PPIL4: variants seen among roughly 807,000 people sequenced by gnomAD.
The protein encoded by PPIL4 is peptidyl-prolyl cis-trans isomerase-like 4.
In PPIL4, 50 loss-of-function variants were observed where a neutral mutation model predicts 69.1. That is an observed-to-expected ratio of 0.72 (90% confidence interval 0.58 to 0.92). The LOEUF (loss-of-function observed/expected upper bound fraction) is 0.92. Among genes scored for constraint, PPIL4 ranks in the 40% least tolerant of loss-of-function variants. The pLI, the probability that PPIL4 is intolerant of heterozygous loss-of-function variation, is 0.00. For missense variants in PPIL4, 480 were observed against 587.9 expected (o/e 0.82, Z 1.90); for synonymous variants, 193 against 191.6 (o/e 1.01, Z -0.06).
chr6:149,505,653 A>C lies in PPIL4; in HGVS notation c.1279T>G (p.Trp427Gly). ...FGHYEEEESCWEKQKSEKRDR... is the reference protein window; with the variant it reads ...FGHYEEEESCGEKQKSEKRDR... ...CTCTTTTCACTCTTTTGTTTCTCCCAACAGCTTTCTTCTTCTTCATAGTGA... is the reference window on the plus strand; with the variant it reads ...CTCTTTTCACTCTTTTGTTTCTCCCCACAGCTTTCTTCTTCTTCATAGTGA... The change falls in exon 13 of 13, where the codon TGG becomes GGG. Residue 427 changes from tryptophan to glycine, a missense_variant. Transcript: ENST00000253329. 1 of 1,614,028 alleles carries C rather than the reference A, an allele frequency of 6.2e-7. No homozygotes were observed. Among genetic ancestry groups the C allele is most frequent in the Non-Finnish European group, 8.5e-7 (1 of 1,179,962 alleles).
chr6:149,511,446 G>T (rs1278798046), intron 12 of PPIL4, among the ~76,000 whole-genome samples: 1 of 151,670 alleles, frequency 6.6e-6, no homozygotes, highest in Non-Finnish European at 1.5e-5. Context: ...GTGTGTGTGT[G>T]TATTTTTTGT....
chr6:149,531,009 C>T (rs769957307), intron 7 of PPIL4, among the ~76,000 whole-genome samples: 14 of 152,150 alleles, frequency 9.2e-5, no homozygotes, highest in South Asian at 2.1e-4. Context: ...CGTACTATTT[C>T]GGCTGTGGGT....
At chr6:149,530,835 T>C (rs895821368) in intron 7 of PPIL4, among the ~76,000 whole-genome samples, 1 of 152,162 alleles carries the variant, frequency 6.6e-6, no homozygotes, top group Non-Finnish European at 1.5e-5. Flanking sequence ...GGGGGAAATT[T>C]GACAAGGAAC....
intron 4 of PPIL4, among the ~76,000 whole-genome samples, chr6:149,539,733 C>G (rs540215155): frequency 6.6e-6 from 1 of 152,308 alleles, no homozygotes; most frequent in East Asian, 1.9e-4. Context: ...GCAATCACCA[C>G]CCAGATTAGT....
At chr6:149,515,479 CT>C (rs1776930653) in intron 11 of PPIL4, among the ~76,000 whole-genome samples, 2 of 152,204 alleles carry the variant, frequency 1.3e-5, no homozygotes, top group South Asian at 4.1e-4. Flanking sequence ...CTCTCGCCCC[CT>C]ATTATGAGTC....
intron 4 of PPIL4, among the ~76,000 whole-genome samples, chr6:149,537,981 G>A (rs1777302387): frequency 6.6e-6 from 1 of 152,126 alleles, no homozygotes; most frequent in Non-Finnish European, 1.5e-5. Flanking sequence ...GTTTTCAGCT[G>A]TGCACAGTGA....
intron 1 of PPIL4, among the ~76,000 whole-genome samples, chr6:149,543,994 G>A (rs1463047588): frequency 6.6e-6 from 1 of 152,174 alleles, no homozygotes; most frequent in African/African-American, 2.4e-5. Context: ...AATATAGCAG[G>A]TACACATGTA....
At chr6:149,527,591 T>C (rs1163463584) in intron 7 of PPIL4, among the ~76,000 whole-genome samples, 1 of 152,242 alleles carries the variant, frequency 6.6e-6, no homozygotes, top group Non-Finnish European at 1.5e-5. Context: ...AAAACCACTA[T>C]GATGCTACCA....
chr6:149,515,089 C>T (rs1197153395), intron 11 of PPIL4, among the ~76,000 whole-genome samples: 1 of 151,882 alleles, frequency 6.6e-6, no homozygotes, highest in African/African-American at 2.4e-5. Context: ...CTGCCCGCCT[C>T]GGCCTCCCAG....
rs151101051 is a variant in PPIL4, at chr6:149,522,134, G to T, written c.871-963C>A. On this transcript the variant is annotated intron_variant, in intron 9 of 12. Coordinates refer to ENST00000253329, the MANE Select transcript of PPIL4 (RefSeq NM_139126.4). ...ATATGGCATGGTATCTAAAACGTAG[G>T]CAATCAGTGTACGTTTCATGAATCT... Among the ~76,000 whole-genome samples, 699 of 152,196 alleles carry T rather than the reference G, an allele frequency of 4.6e-3. 3 individuals are homozygous for T. Among genetic ancestry groups the T allele is most frequent in the African/African-American group, 0.016 (674 of 41,526 alleles).
intron 1 of PPIL4, among the ~76,000 whole-genome samples, chr6:149,542,171 A>C (rs911903141): frequency 6.6e-6 from 1 of 152,162 alleles, no homozygotes; most frequent in South Asian, 2.1e-4. Flanking sequence ...GATTGATTTT[A>C]TTACGAGAAA....
chr6:149,534,911 C>T, intron 5 of PPIL4, 137 bp from the exon 6 acceptor site: 1 of 526,958 alleles, frequency 1.9e-6, no homozygotes, highest in South Asian at 3.1e-5. Context: ...ATATTACTAA[C>T]CTAGATATAC....
chr6:149,521,575 T>G (rs1025781118), intron 9 of PPIL4, among the ~76,000 whole-genome samples: 1 of 152,226 alleles, frequency 6.6e-6, no homozygotes, highest in African/African-American at 2.4e-5. Flanking sequence ...TAAAATTAAT[T>G]TGGCAGTAAC....
chr6:149,505,549 G>T lies in PPIL4; in HGVS notation c.1383C>A (p.Tyr461Ter), dbSNP rs768914980. 1.9e-6 allele frequency: 3 copies of T among 1,613,768 alleles called. No homozygotes were observed. The highest frequency in any genetic ancestry group is 2.5e-6 in the Non-Finnish European group (3 of 1,179,902). Residue 461 changes from tyrosine (Y) to a stop codon, truncating the protein, a stop_gained, in exon 13 of 13, where the codon TAC (tyrosine) becomes TAA (stop). Transcript: ENST00000253329. LOFTEE classifies it high-confidence loss of function. ...GHYSNSHKSK[Y>*]QTDLYERERS... ...TTTCTCTTTCATAAAGATCTGTTTG[G>T]TATTTTGATTTATGACTATTACTAT...
chr6:149,514,527 G>A (rs1488400372), intron 11 of PPIL4, among the ~76,000 whole-genome samples: 1 of 152,136 alleles, frequency 6.6e-6, no homozygotes, highest in African/African-American at 2.4e-5. Context: ...TCGCCACGTT[G>A]GCCAGGCTGG....
intron 4 of PPIL4, among the ~76,000 whole-genome samples, chr6:149,538,930 T>G (rs573796905): frequency 7.0e-4 from 106 of 151,500 alleles, no homozygotes; most frequent in African/African-American, 2.4e-3. Flanking sequence ...CACCGCAACC[T>G]CCACCTCCCA....
At chr6:149,508,788 G>A (rs1352698501) in intron 12 of PPIL4, among the ~76,000 whole-genome samples, 1 of 152,012 alleles carries the variant, frequency 6.6e-6, no homozygotes, top group Non-Finnish European at 1.5e-5. Context: ...GACATGAGGT[G>A]GAAAATTAAA....
intron 7 of PPIL4, among the ~76,000 whole-genome samples, chr6:149,527,470 G>A (rs141652407): frequency 1.6e-3 from 239 of 152,258 alleles, no homozygotes; most frequent in Non-Finnish European, 2.7e-3. Context: ...ACATTTATCT[G>A]GCTTCAAAGA....
chr6:149,531,578 A>C (rs1345005261), intron 7 of PPIL4, among the ~76,000 whole-genome samples: 1 of 152,068 alleles, frequency 6.6e-6, no homozygotes, highest in Non-Finnish European at 1.5e-5. Flanking sequence ...GCAACAGATG[A>C]TAAGTCACGA....
Sources: allele counts gnomAD v4.1 joint callset (sites outside exome capture counted in the v4.1 genomes callset), GRCh38; gene constraint gnomAD v4.1.1; transcripts MANE v1.5; gene names NCBI Gene and HGNC (gene_info 2026-07-23, HGNC 2026-07-21).